The following VSTM4 variants were observed in gnomAD, a reference collection of about 807,000 sequenced individuals.
VSTM4 encodes V-set and transmembrane domain containing 4, also known as V-set and transmembrane domain-containing protein 4.
VSTM4 carries 20 observed loss-of-function variants against 36.4 expected under a neutral mutation model. The ratio of observed to expected loss-of-function variants is 0.55; its 90% confidence interval spans 0.39 to 0.80. The LOEUF is 0.80. VSTM4 is among the 30% of genes least tolerant of loss of function. VSTM4 has a pLI of 0.00. For synonymous variants in VSTM4, 182 were observed against 173.9 expected (o/e 1.05, Z -0.37); for missense variants, 392 against 404.5 (o/e 0.97, Z 0.26).
intron 4 of VSTM4, 97 bp downstream of exon 4, chr10:49,077,122 C>A: frequency 8.2e-7 from 1 of 1,226,580 alleles, no homozygotes; most frequent in Non-Finnish European, 1.2e-6. Flanking sequence ...ACTCACAATG[C>A]ACTTTTCCAC....
chr10:49,069,089 C>T (rs925359275), intron 4 of VSTM4, among the ~76,000 whole-genome samples: 3 of 152,220 alleles, frequency 2.0e-5, no homozygotes, highest in East Asian at 1.9e-4. Flanking sequence ...TGGCAAACCT[C>T]CCAGATGGCA....
At chr10:49,065,370 T>TA (rs1676068406) in intron 4 of VSTM4, among the ~76,000 whole-genome samples, 3 of 152,334 alleles carry the variant, frequency 2.0e-5, no homozygotes, top group Admixed American at 6.5e-5. Context: ...GGTAGATTGT[T>TA]ACATCAGTGG....
At chr10:49,063,599 C>T (rs1564579354) in intron 5 of VSTM4, among the ~76,000 whole-genome samples, 2 of 152,196 alleles carry the variant, frequency 1.3e-5, no homozygotes, top group Non-Finnish European at 2.9e-5. Context: ...TTTTCATTTT[C>T]AGAGACTTTA....
intron 4 of VSTM4, among the ~76,000 whole-genome samples, chr10:49,065,627 G>A (rs1016060687): frequency 6.6e-6 from 1 of 152,174 alleles, no homozygotes. Flanking sequence ...GCAGACACCA[G>A]CTGTCCCAGC....
At chr10:49,076,436 C>T (rs961560086) in intron 4 of VSTM4, among the ~76,000 whole-genome samples, 2 of 152,174 alleles carry the variant, frequency 1.3e-5, no homozygotes, top group African/African-American at 4.8e-5. Flanking sequence ...GCCACTGGAA[C>T]CGGAGTCGGT....
chr10:49,065,306 T>C (rs1029025993), intron 4 of VSTM4, among the ~76,000 whole-genome samples: 17 of 152,168 alleles, frequency 1.1e-4, no homozygotes, highest in African/African-American at 3.6e-4. Flanking sequence ...CACAGCTGAA[T>C]TTACTTCAAA....
At chr10:49,106,434 G>A (rs1844783929) in intron 2 of VSTM4, among the ~76,000 whole-genome samples, 1 of 152,212 alleles carries the variant, frequency 6.6e-6, no homozygotes, top group Admixed American at 6.5e-5. Flanking sequence ...TTCCCGAATA[G>A]AAACATTGGT....
intron 2 of VSTM4, chr10:49,103,795 A>C: frequency 6.2e-7 from 1 of 1,614,136 alleles, no homozygotes. Context: ...AAGGGCAAAG[A>C]GTGAGGTAGT....
intron 2 of VSTM4, chr10:49,103,515 A>G (rs1260978143): frequency 1.6e-6 from 2 of 1,274,008 alleles, no homozygotes; most frequent in Non-Finnish European, 9.9e-7. Context: ...ATTACACTAT[A>G]TTACTTTTGC....
chr10:49,069,833 C>T (rs140206233), intron 4 of VSTM4, among the ~76,000 whole-genome samples: 1 of 152,328 alleles, frequency 6.6e-6, no homozygotes, highest in East Asian at 1.9e-4. Flanking sequence ...TGTCCAGGGT[C>T]CCATAGTCCC....
intron 4 of VSTM4, among the ~76,000 whole-genome samples, chr10:49,069,088 T>C (rs1248416525): frequency 2.7e-5 from 4 of 147,472 alleles, no homozygotes; most frequent in Non-Finnish European, 6.0e-5. Flanking sequence ...ATGGCAAACC[T>C]CCCAGATGGC....
intron 2 of VSTM4, among the ~76,000 whole-genome samples, chr10:49,086,375 T>C (rs1018592431): frequency 1.3e-5 from 2 of 152,206 alleles, no homozygotes; most frequent in African/African-American, 4.8e-5. Context: ...TTCTAAAATG[T>C]AGTGTACTTG....
At chr10:49,046,892 G>A (rs1044851531) in intron 7 of VSTM4, 91 bp downstream of exon 7, 3 of 1,279,938 alleles carry the variant, frequency 2.3e-6, no homozygotes, top group South Asian at 2.5e-5. Context: ...AAAACTTTCT[G>A]TATGTTTTGA....
chr10:49,048,716 A>C, intron 5 of VSTM4, 132 bp from the exon 6 acceptor site: 1 of 687,896 alleles, frequency 1.5e-6, no homozygotes, highest in Non-Finnish European at 2.4e-6. Flanking sequence ...GAAGGTTATC[A>C]TATGGGTAGA....
intron 2 of VSTM4, among the ~76,000 whole-genome samples, chr10:49,104,215 C>T (rs937753626): frequency 6.6e-6 from 1 of 152,136 alleles, no homozygotes; most frequent in African/African-American, 2.4e-5. Flanking sequence ...AGGAGAATTG[C>T]TTGAACCCAG....
chr10:49,076,100 C>T (rs1391597560), intron 4 of VSTM4, among the ~76,000 whole-genome samples: 1 of 152,154 alleles, frequency 6.6e-6, no homozygotes, highest in Non-Finnish European at 1.5e-5. Context: ...TGTCACCTCC[C>T]TCATTGTCCC....
chr10:49,108,301 C>T (rs2132028210), intron 1 of VSTM4, among the ~76,000 whole-genome samples: 1 of 152,354 alleles, frequency 6.6e-6, no homozygotes, highest in East Asian at 1.9e-4. Flanking sequence ...ATTCAAATTT[C>T]ATGTAAAAGA....
intron 7 of VSTM4, among the ~76,000 whole-genome samples, chr10:49,026,376 T>C (rs3938117): frequency 0.11 from 17,128 of 152,270 alleles, 1,257 homozygotes; most frequent in South Asian, 0.24. Flanking sequence ...TCTTCTATAA[T>C]ATGTCTATTA....
At chr10:49,098,084 C>G (rs7069844) in intron 2 of VSTM4, among the ~76,000 whole-genome samples, 28,532 of 151,920 alleles carry the variant, frequency 0.19, 3,901 homozygotes, top group African/African-American at 0.39. Context: ...GGAGACATGG[C>G]TGAGCAGTGC....
Sources: allele counts gnomAD v4.1 joint callset (sites outside exome capture counted in the v4.1 genomes callset), GRCh38; gene constraint gnomAD v4.1.1; transcripts MANE v1.5; gene names NCBI Gene and HGNC (gene_info 2026-07-23, HGNC 2026-07-21).